Variants in NUP98 observed in about 807,000 individuals in gnomAD.
NUP98 encodes the protein nucleoporin 98 and 96 precursor.
A neutral mutation model predicts 191.9 loss-of-function variants in NUP98; 26 were observed. The observed-to-expected ratio is 0.14, with a 90% CI of 0.10 to 0.19. The LOEUF (loss-of-function observed/expected upper bound fraction) is 0.19, where lower values mean the gene tolerates loss of function less well. NUP98 is among the 10% of genes least tolerant of loss of function. The probability of loss-of-function intolerance (pLI) is 1.00; values close to 1 mark genes in which losing one functional copy is unlikely to be tolerated. For missense variants in NUP98, 1,941 were observed against 2,178.8 expected, an observed-to-expected ratio of 0.89 and a Z score of 2.17; for synonymous variants, 808 against 778.4, an observed-to-expected ratio of 1.04 and a Z score of -0.63.
chr11:3,682,302 T>A (rs1272645831), intron 30 of NUP98, among the ~76,000 whole-genome samples: 2 of 152,242 alleles, frequency 1.3e-5, no homozygotes, highest in Non-Finnish European at 2.9e-5. Flanking sequence ...AGAACTTTCC[T>A]TTAACACAAC....
intron 5 of NUP98, among the ~76,000 whole-genome samples, chr11:3,775,316 G>C (rs1208229602): frequency 6.6e-6 from 1 of 152,076 alleles, no homozygotes; most frequent in Non-Finnish European, 1.5e-5. Flanking sequence ...GATCACCTGA[G>C]GTCAGCAGTT....
In NUP98 at chr11:3,699,475, G is replaced by A; in HGVS notation, c.3743-127C>T. 22 of 992,326 alleles carry A rather than the reference G, an allele frequency of 2.2e-5. No individual in the cohort carries two copies. The South Asian group carries it at 3.4e-4, about 15-fold the overall frequency. 61.5% of individuals were successfully genotyped at this position (992,326 alleles called of 1,614,324 possible). A position where few individuals can be genotyped will look rare whatever the true frequency, so the allele number is the denominator to read the frequency against. On this transcript the variant is annotated intron_variant, in intron 24 of 32. Coordinates refer to ENST00000324932, the MANE Select transcript of NUP98 (RefSeq NM_016320.5). ...GACATCTCAAACAACCACTCAAGCT[G>A]ATTACCCTGAATCTGTCTCTACCTC...
chr11:3,743,850 G>T (rs562263624), intron 12 of NUP98, among the ~76,000 whole-genome samples: 1 of 151,454 alleles, frequency 6.6e-6, no homozygotes, highest in East Asian at 2.0e-4. Flanking sequence ...TCAGGAATTC[G>T]AGATCAGCCT....
At position 3,677,979 on chromosome 11, in the gene NUP98, TACACAC is replaced by T. The variant is rs35187001; in HGVS notation, c.5074-1365_5074-1360del. Among the ~76,000 whole-genome samples, 5 of 150,788 alleles carry T rather than the reference TACACAC, an allele frequency of 3.3e-5. No homozygotes were observed. The South Asian group carries it at 6.3e-4, about 19-fold the overall frequency. ...TGGTGAAACCCCGTCTCTACTAAAA[TACACAC>T]ACACACACACAAAGCTGGGTGTGGT... On this transcript the variant is annotated intron_variant, in intron 31 of 32. Transcript: ENST00000324932.
chr11:3,720,979 T>A (rs1467457433), intron 16 of NUP98, 154 bp from the exon 17 acceptor site: 43 of 312,766 alleles, frequency 1.4e-4, no homozygotes, highest in South Asian at 1.2e-3. Context: ...TGTGTGAGTG[T>A]GTGTGTGTGT....
rs1320566735 is a variant in NUP98, at chr11:3,756,567, C to T, written c.1175-3159G>A. Among the ~76,000 whole-genome samples the T allele has an allele frequency of 2.6e-5, 4 of 152,028 alleles. No individual in the cohort carries two copies. The East Asian group carries it at 5.9e-4, about 22-fold the overall frequency. On this transcript the variant is annotated intron_variant, in intron 10 of 32. Coordinates refer to ENST00000324932, the MANE Select transcript of NUP98 (RefSeq NM_016320.5). ...CCTCCCGAGTAGCTGGGATTACAGG[C>T]ATGCACCACCATGCCCAGCTAATTT... is the stretch of plus-strand genomic sequence containing the variant.
intron 6 of NUP98, 33 bp downstream of exon 6, chr11:3,773,599 T>C (rs757487542): frequency 1.5e-6 from 2 of 1,315,394 alleles, no homozygotes; most frequent in Non-Finnish European, 2.2e-6. Flanking sequence ...AATCAAAAGG[T>C]TAGACTGACA....
intron 9 of NUP98, among the ~76,000 whole-genome samples, chr11:3,761,783 A>C (rs987848555): frequency 2.0e-5 from 3 of 146,454 alleles, no homozygotes; most frequent in Non-Finnish European, 2.9e-5. Context: ...AAACAAAACA[A>C]AAAACAAAAC....
At chr11:3,693,435 A>T in intron 26 of NUP98, 60 bp from the exon 27 acceptor site, 4 of 1,521,226 alleles carry the variant, frequency 2.6e-6, no homozygotes, top group Non-Finnish European at 3.6e-6. Context: ...CTGTGTGTGC[A>T]ATAACACTGA....
At chr11:3,771,707 G>A (rs2081537787) in intron 7 of NUP98, 41 bp downstream of exon 7, 2 of 1,558,422 alleles carry the variant, frequency 1.3e-6, no homozygotes, top group South Asian at 1.1e-5. Context: ...TTAGTTATCT[G>A]TCTCTCCTCA....
At chr11:3,720,975 A>AGTGAGTGT (rs1554891503) in intron 16 of NUP98, 150 bp from the exon 17 acceptor site, 1 of 310,562 alleles carries the variant, frequency 3.2e-6, no homozygotes, top group Non-Finnish European at 5.9e-6. Context: ...GGGGTGTGTG[A>AGTGAGTGT]GTGTGTGTGT....
chr11:3,717,493 G>T (rs1170817605), intron 18 of NUP98, among the ~76,000 whole-genome samples: 2 of 152,114 alleles, frequency 1.3e-5, no homozygotes, highest in Admixed American at 6.6e-5. Flanking sequence ...TTTGTTGTTA[G>T]TGTATAGCAG....
chr11:3,796,607 T>A (rs533288339), intron 1 of NUP98, among the ~76,000 whole-genome samples: 1 of 152,302 alleles, frequency 6.6e-6, no homozygotes, highest in South Asian at 2.1e-4. Context: ...CTACCTAATG[T>A]CCATGCCGCA....
Position 3,702,727 on chromosome 11 carries a change from G to A in NUP98, c.3248C>T (p.Pro1083Leu), listed in dbSNP as rs2078747477. The change falls in exon 23 of 33, where the codon CCA becomes CTA. Residue 1083 changes from proline to leucine, a missense_variant. By Grantham distance (98) the Pro-to-Leu change is moderately conservative (BLOSUM62 -3). Around this residue, in one of 6 missense-constraint regions of NUP98, gnomAD observed 1,030 missense variants for 1,115.8 expected, o/e 0.92. Transcript: ENST00000324932. The part of the protein sequence containing the change: ...PLTSVFTMPS[P>L]APEVPLKTVG... ...TGTTTTCAACGGAACCTCAGGGGCT[G>A]GGCTGGGCATTGTGAACACAGAAGT... 3 of 1,614,150 alleles carry A rather than the reference G, an allele frequency of 1.9e-6. No individual in the cohort carries two copies. Among genetic ancestry groups the A allele is most frequent in the South Asian group, 1.1e-5 (1 of 91,086 alleles).
In NUP98 at chr11:3,773,591, T is replaced by A. The variant is rs764583902; in HGVS notation, c.603+41A>T. On this transcript the variant is annotated intron_variant, in intron 6 of 32. Coordinates refer to ENST00000324932, the MANE Select transcript of NUP98 (RefSeq NM_016320.5). ...TTTTAAAAGCTGCATTCCAATAAAA[T>A]CAAAAGGTTAGACTGACATTCTGTA... 6 of 1,254,726 alleles carry A rather than the reference T, an allele frequency of 4.8e-6. No homozygotes were observed. In the East Asian group the frequency reaches 7.2e-5, roughly 15 times the overall value. 77.7% of individuals were successfully genotyped at this position (1,254,726 alleles called of 1,614,324 possible).
intron 12 of NUP98, among the ~76,000 whole-genome samples, chr11:3,740,846 T>A (rs1020657375): frequency 6.6e-6 from 1 of 150,516 alleles, no homozygotes; most frequent in Non-Finnish European, 1.5e-5. Flanking sequence ...GGAGACAGAG[T>A]CTCGCACTTT....
At chr11:3,707,277 T>C (rs753837722) in intron 20 of NUP98, among the ~76,000 whole-genome samples, 7 of 152,326 alleles carry the variant, frequency 4.6e-5, no homozygotes, top group South Asian at 2.1e-4. Context: ...TCAAGAGTTA[T>C]ATTTACATTT....
intron 20 of NUP98, among the ~76,000 whole-genome samples, chr11:3,708,031 G>C (rs1482997641): frequency 6.6e-6 from 1 of 151,966 alleles, no homozygotes; most frequent in East Asian, 1.9e-4. Context: ...AACCTGAGAG[G>C]TGGAGGCTGC....
At chr11:3,735,748 AGTGTGT>A (rs71041385) in intron 12 of NUP98, among the ~76,000 whole-genome samples, 15,850 of 140,702 alleles carry the variant, frequency 0.11, 920 homozygotes, top group Non-Finnish European at 0.12. Context: ...CAGGGCAAGT[AGTGTGT>A]GTGTGTGTGT....
Sources: allele counts gnomAD v4.1 joint callset (sites outside exome capture counted in the v4.1 genomes callset), GRCh38; gene constraint gnomAD v4.1.1; regional missense constraint gnomAD v4.1.1; transcripts MANE v1.5; gene names NCBI Gene and HGNC (gene_info 2026-07-23, HGNC 2026-07-21).